KCNT2: variants seen among roughly 807,000 people sequenced by gnomAD.
KCNT2 encodes the protein potassium sodium-activated channel subfamily T member 2.
In KCNT2, 67 loss-of-function variants were observed where a neutral mutation model predicts 153.8. The ratio of observed to expected loss-of-function variants is 0.44; its 90% CI spans 0.36 to 0.53. The LOEUF is 0.53. KCNT2 is among the 20% of genes least tolerant of loss of function. The pLI is 0.00. For synonymous variants in KCNT2, 500 were observed against 458.8 expected (o/e 1.09, Z -1.15); for missense variants, 975 against 1,354.8 (o/e 0.72, Z 4.40).
At chr1:196,245,328 A>C (rs541096817) in intron 26 of KCNT2, among the ~76,000 whole-genome samples, 1 of 152,230 alleles carries the variant, frequency 6.6e-6, no homozygotes, top group African/African-American at 2.4e-5. Flanking sequence ...CTCTCTCTAA[A>C]AAAGCCAAAG....
At chr1:196,331,574 A>G (rs958432061) in intron 17 of KCNT2, among the ~76,000 whole-genome samples, 1 of 152,060 alleles carries the variant, frequency 6.6e-6, no homozygotes, top group Non-Finnish European at 1.5e-5. Context: ...CTTTATTATA[A>G]TTCAGCCACA....
At chr1:196,399,192 TA>T (rs1671210277) in intron 12 of KCNT2, among the ~76,000 whole-genome samples, 1 of 151,380 alleles carries the variant, frequency 6.6e-6, no homozygotes, top group African/African-American at 2.4e-5. Context: ...AAAAAGTTTT[TA>T]AAAAGACACT....
chr1:196,517,024 T>C (rs369341666), intron 1 of KCNT2, among the ~76,000 whole-genome samples: 1 of 152,150 alleles, frequency 6.6e-6, no homozygotes, highest in East Asian at 1.9e-4. Flanking sequence ...CTACAACTCC[T>C]GGGAGAGAGC....
intron 12 of KCNT2, among the ~76,000 whole-genome samples, chr1:196,418,543 C>A (rs1672936449): frequency 1.3e-5 from 2 of 152,096 alleles, no homozygotes; most frequent in Non-Finnish European, 1.5e-5. Flanking sequence ...TCTCACAGTT[C>A]TGGCAACTGG....
At chr1:196,302,839 A>G (rs1490781258) in intron 22 of KCNT2, among the ~76,000 whole-genome samples, 1 of 152,006 alleles carries the variant, frequency 6.6e-6, no homozygotes, top group Non-Finnish European at 1.5e-5. Flanking sequence ...TTAACATAAT[A>G]TGGTAACAAG....
chr1:196,377,998 T>C (rs1219174280), intron 13 of KCNT2, among the ~76,000 whole-genome samples: 1 of 152,088 alleles, frequency 6.6e-6, no homozygotes, highest in African/African-American at 2.4e-5. Flanking sequence ...AACAAGGTTC[T>C]TAGAAAAGAA....
At chr1:196,458,765 A>G (rs1676900211) in intron 8 of KCNT2, among the ~76,000 whole-genome samples, 1 of 151,972 alleles carries the variant, frequency 6.6e-6, no homozygotes, top group Non-Finnish European at 1.5e-5. Context: ...GTCAATTTGT[A>G]CAACAAAATA....
intron 10 of KCNT2, among the ~76,000 whole-genome samples, chr1:196,427,177 A>G (rs1351295770): frequency 6.6e-6 from 1 of 152,168 alleles, no homozygotes; most frequent in East Asian, 1.9e-4. Flanking sequence ...GTTGCTATTA[A>G]AAATGCAAGT....
chr1:196,410,003 A>T (rs181758395), intron 12 of KCNT2, among the ~76,000 whole-genome samples: 21 of 151,754 alleles, frequency 1.4e-4, no homozygotes, highest in Non-Finnish European at 2.5e-4. Context: ...ATATAAGGTG[A>T]TATCTCTGCT....
chr1:196,437,599 A>T (rs1402737467), intron 8 of KCNT2, among the ~76,000 whole-genome samples: 4 of 150,210 alleles, frequency 2.7e-5, no homozygotes, highest in Non-Finnish European at 5.9e-5. Context: ...TATCAAAGTT[A>T]CTCCAATTCA....
At chr1:196,506,967 T>A (rs1481616207) in intron 1 of KCNT2, among the ~76,000 whole-genome samples, 2 of 152,092 alleles carry the variant, frequency 1.3e-5, no homozygotes, top group Non-Finnish European at 2.9e-5. Flanking sequence ...TACTAATGGA[T>A]CCTTAAGTTT....
At chr1:196,546,848 C>T (rs1197413246) in intron 1 of KCNT2, among the ~76,000 whole-genome samples, 6 of 151,868 alleles carry the variant, frequency 4.0e-5, no homozygotes, top group African/African-American at 1.2e-4. Flanking sequence ...GCACAATGTA[C>T]GTCATGGAAC....
intron 1 of KCNT2, among the ~76,000 whole-genome samples, chr1:196,586,465 T>C (rs1006323111): frequency 5.9e-5 from 9 of 152,114 alleles, no homozygotes; most frequent in African/African-American, 2.2e-4. Context: ...TGTTTGACAC[T>C]AGTCAATTGA....
intron 22 of KCNT2, among the ~76,000 whole-genome samples, chr1:196,288,660 A>C (rs1659899914): frequency 6.6e-6 from 1 of 152,116 alleles, no homozygotes; most frequent in African/African-American, 2.4e-5. Context: ...ATTCAATTTT[A>C]AGAGGATATG....
At chr1:196,451,265 C>T (rs1437932624) in intron 8 of KCNT2, among the ~76,000 whole-genome samples, 1 of 52,158 alleles carries the variant, frequency 1.9e-5, no homozygotes, top group Non-Finnish European at 4.2e-5. Flanking sequence ...TTTTTTGAGA[C>T]TCCATCTCAC....
At chr1:196,371,263 G>GT (rs1166219327) in intron 14 of KCNT2, among the ~76,000 whole-genome samples, 1 of 148,130 alleles carries the variant, frequency 6.8e-6, no homozygotes, top group Non-Finnish European at 1.5e-5. Flanking sequence ...TGGCATGGTG[G>GT]TTCATGACTA....
intron 27 of KCNT2, 127 bp from the exon 28 acceptor site, chr1:196,228,462 C>A: frequency 1.7e-6 from 1 of 576,548 alleles, no homozygotes; most frequent in Non-Finnish European, 3.0e-6. Flanking sequence ...CTGTATACAA[C>A]ATTGGTGGTA....
intron 1 of KCNT2, among the ~76,000 whole-genome samples, chr1:196,573,256 T>C (rs1224592921): frequency 6.6e-6 from 1 of 152,086 alleles, no homozygotes; most frequent in Admixed American, 6.6e-5. Flanking sequence ...GAGAGACACG[T>C]TTAAAATTCT....
Position 196,332,732 on chromosome 1 carries a change from G to A in KCNT2, c.1997+1115C>T, listed in dbSNP as rs544247841. ...CCATTATCTCAATTAATCACTAATA[G>A]CTTTCTGAAGTAGTAATTACACTCA... On this transcript the variant is annotated intron_variant, in intron 17 of 27. Coordinates refer to ENST00000294725, the MANE Select transcript of KCNT2 (RefSeq NM_198503.5). Among the ~76,000 whole-genome samples, 3 of 150,758 alleles carry A rather than the reference G, an allele frequency of 2.0e-5. No homozygotes were observed. In the East Asian group the frequency reaches 5.9e-4, roughly 29 times the overall value.
Sources: gnomAD v4.1 joint callset for allele counts (sites outside exome capture counted in the v4.1 genomes callset) on GRCh38, gnomAD v4.1.1 for gene constraint, MANE v1.5 for transcripts, NCBI Gene and HGNC (gene_info 2026-07-23, HGNC 2026-07-21) for gene names.